The following SDS variants were observed in gnomAD, a reference collection of about 807,000 sequenced individuals.
SDS encodes L-serine dehydratase/L-threonine deaminase.
SDS carries 19 observed loss-of-function variants against 29.3 expected under a neutral mutation model. The ratio of observed to expected loss-of-function variants is 0.65; its 90% confidence interval spans 0.45 to 0.95. The LOEUF is 0.95. Ranked by LOEUF, SDS falls within the 40% of genes least tolerant of loss-of-function variation. The pLI is 0.00. For synonymous variants in SDS, 176 were observed against 189.0 expected, an observed-to-expected ratio of 0.93 and a Z score of 0.56; for missense variants, 375 against 439.9, an observed-to-expected ratio of 0.85 and a Z score of 1.32.
chr12:113,395,728 C>A lies in SDS; in HGVS notation c.653+1437G>T, dbSNP rs1013090034. ...GGAAACAAACTCAAGGGACCTGGCG[C>A]CCTGACTTTTCATGGTAAAGTTCAA... On this transcript the variant is annotated intron_variant, in intron 6 of 7. Transcript: ENST00000257549. 5.3e-5 allele frequency among the ~76,000 whole-genome samples: 8 copies of A among 152,304 alleles called. No individual in the cohort carries two copies. The South Asian group carries it at 1.0e-3, about 20-fold the overall frequency.
intron 5 of SDS, among the ~76,000 whole-genome samples, 174 bp from the exon 6 acceptor site, chr12:113,397,566 C>G (rs543034075): frequency 1.3e-5 from 2 of 152,228 alleles, no homozygotes; most frequent in South Asian, 4.1e-4. Flanking sequence ...CCTTCTCTGG[C>G]CACCTGAGCT....
Position 113,399,665 on chromosome 12 carries a change from T to G in SDS, c.44A>C (p.Asp15Ala). 1.9e-6 allele frequency: 3 copies of G among 1,598,846 alleles called. No homozygotes were observed. Among genetic ancestry groups the G allele is most frequent in the Non-Finnish European group, 2.6e-6 (3 of 1,174,584 alleles). Residue 15 changes from aspartate to alanine, a missense_variant, in exon 2 of 8, where the codon GAC becomes GCC. Physicochemically the swap from Asp to Ala is moderately radical, Grantham distance 126. Coordinates refer to ENST00000257549, the MANE Select transcript of SDS (RefSeq NM_006843.3). ...EPLHVKTPIRDSMALSKMAGT... is the reference protein window; with the variant it reads ...EPLHVKTPIRASMALSKMAGT... Reference sequence around the variant, plus strand: ...GGCCATTTTGGACAGGGCCATGCTGTCACGGATGGGGGTCTTCACGTGCAG... The same window carrying G: ...GGCCATTTTGGACAGGGCCATGCTGGCACGGATGGGGGTCTTCACGTGCAG...
In SDS at chr12:113,397,411, G is replaced by GGGT. The variant is rs1417548402; in HGVS notation, c.426-22_426-20dup. Reference sequence around the variant, plus strand: ...GCCTTCCCTGGAGGGTGGGGAGAGGGGGTGGCAGGTCAGGGCTAGGCTTCC... The same window carrying GGGT: ...GCCTTCCCTGGAGGGTGGGGAGAGGGGGTGGTGGCAGGTCAGGGCTAGGCTTCC... On this transcript the variant is annotated intron_variant, in intron 5 of 7. Coordinates refer to ENST00000257549, the MANE Select transcript of SDS (RefSeq NM_006843.3). 1.1e-5 allele frequency: 17 copies of GGGT among 1,586,398 alleles called. No homozygotes were observed. Among genetic ancestry groups the GGGT allele is most frequent in the Non-Finnish European group, 1.5e-5 (17 of 1,161,098 alleles).
In SDS at chr12:113,399,666, C is replaced by T; in HGVS notation, c.43G>A (p.Asp15Asn). Residue 15 changes from aspartate to asparagine, a missense_variant, in exon 2 of 8, where the codon GAC becomes AAC. Physicochemically the swap from Asp to Asn is conservative, Grantham distance 23 (BLOSUM62 1). Coordinates refer to ENST00000257549, the MANE Select transcript of SDS (RefSeq NM_006843.3). ...EPLHVKTPIRDSMALSKMAGT... is the reference protein window; with the variant it reads ...EPLHVKTPIRNSMALSKMAGT... ...GCCATTTTGGACAGGGCCATGCTGT[C>T]ACGGATGGGGGTCTTCACGTGCAGG... 6.3e-7 allele frequency: 1 copy of T among 1,598,922 alleles called. No homozygotes were observed. The highest frequency in any genetic ancestry group is 8.5e-7 in the Non-Finnish European group (1 of 1,174,620).
Position 113,394,012 on chromosome 12 carries a change from C to T in SDS, c.658G>A (p.Ala220Thr). The change falls in exon 7 of 8, where the codon GCC (alanine) becomes ACC (threonine). Residue 220 changes from alanine (A) to threonine (T), a missense_variant. By Grantham distance (58) the Ala-to-Thr change is moderately conservative. Transcript: ENST00000257549. ...LVSLPKITSVAKALGVKTVGA... is the reference protein window; with the variant it reads ...LVSLPKITSVTKALGVKTVGA... ...ACAGTCTTCACGCCCAGGGCCTTGG[C>T]AACACTGAGAGAAGTGGGAACCCAG... The T allele has an allele frequency of 1.2e-6, 2 of 1,613,684 alleles. No individual in the cohort carries two copies. Among genetic ancestry groups the T allele is most frequent in the Non-Finnish European group, 1.7e-6 (2 of 1,179,970 alleles).
chr12:113,399,552 G>A lies in SDS; in HGVS notation c.153+4C>T, dbSNP rs535468725. 1.7e-5 allele frequency: 26 copies of A among 1,575,524 alleles called. No homozygotes were observed. The highest frequency in any genetic ancestry group is 7.2e-5 in the Admixed American group (4 of 55,884). ...GCCCAGATAATGCTGACCCGGTCCC[G>A]TACCCTCTTGCAGAAGTGCCCAATG... On this transcript the variant is annotated splice_donor_region_variant and intron_variant, in intron 2 of 7. Transcript: ENST00000257549.
chr12:113,396,421 CTCTCTT>C (rs1565869322), intron 6 of SDS, among the ~76,000 whole-genome samples: 1 of 145,788 alleles, frequency 6.9e-6, no homozygotes, highest in South Asian at 2.2e-4. Flanking sequence ...TTCTTTCTTT[CTCTCTT>C]TCTTTCTCTT....
rs146354279 is a variant in SDS at position 113,401,435 on chromosome 12, T to G, written c.-2-1725A>C. Among the ~76,000 whole-genome samples the G allele has an allele frequency of 5.1e-3, 782 of 152,246 alleles. 3 individuals carry two copies. The highest frequency in any genetic ancestry group is 0.019 in the South Asian group (93 of 4,820). The stretch of plus-strand genomic sequence containing the variant: ...CCAGTAGAGATGGGGTTTTGCTATG[T>G]TGGCCAGGCTGGTCTCCAACTCCTG... On this transcript the variant is annotated intron_variant, in intron 1 of 7. Transcript: ENST00000257549.
Position 113,397,385 on chromosome 12 carries a change from G to T in SDS, c.433C>A (p.His145Asn), listed in dbSNP as rs1447444183. Reference protein sequence around the residue: ...PFDDPLIWEGHASIVKELKET... With the variant: ...PFDDPLIWEGNASIVKELKET... ...TTCAGCTCTTTCACGATGGAAGCGTGGCCTTCCCTGGAGGGTGGGGAGAGG... is the reference window on the plus strand; with the variant it reads ...TTCAGCTCTTTCACGATGGAAGCGTTGCCTTCCCTGGAGGGTGGGGAGAGG... Residue 145 changes from histidine (H) to asparagine (N), a missense_variant, in exon 6 of 8, where the codon CAC becomes AAC. His to Asn is a moderately conservative substitution (Grantham distance 68). Transcript: ENST00000257549. 6.2e-7 allele frequency: 1 copy of T among 1,606,964 alleles called. No individual in the cohort carries two copies. Among genetic ancestry groups the T allele is most frequent in the Non-Finnish European group, 8.5e-7 (1 of 1,174,914 alleles).
chr12:113,399,172 G>T, intron 2 of SDS, 21 bp from the exon 3 acceptor site: 2 of 1,613,288 alleles, frequency 1.2e-6, no homozygotes, highest in Non-Finnish European at 1.7e-6. Flanking sequence ...AACAGGAGAG[G>T]CACTCAGGCC....
chr12:113,397,854 C>T (rs890927996), intron 5 of SDS, among the ~76,000 whole-genome samples: 1 of 152,184 alleles, frequency 6.6e-6, no homozygotes, highest in Admixed American at 6.5e-5. Context: ...CTTCCCCACT[C>T]CCCCACTGAA....
intron 1 of SDS, among the ~76,000 whole-genome samples, chr12:113,402,203 CAG>C (rs955511853): frequency 3.9e-5 from 6 of 152,204 alleles, no homozygotes; most frequent in African/African-American, 1.4e-4. Flanking sequence ...GAATAAAAAT[CAG>C]AGACTGGGGC....
Position 113,394,087 on chromosome 12 carries a change from GAGA to G in SDS, c.654-74_654-72del, listed in dbSNP as rs986146852. 10 of 1,489,056 alleles carry G rather than the reference GAGA, an allele frequency of 6.7e-6. No individual in the cohort carries two copies. The African/African-American group carries it at 8.3e-5, about 12-fold the overall frequency. 92.2% of individuals were successfully genotyped at this position (1,489,056 alleles called of 1,614,324 possible). A position where few individuals can be genotyped will look rare whatever the true frequency, so the allele number is the denominator to read the frequency against. On this transcript the variant is annotated intron_variant, in intron 6 of 7. Coordinates refer to ENST00000257549, the MANE Select transcript of SDS (RefSeq NM_006843.3). ...GGAGAGAGATGGGGGCAGGGAGGGA[GAGA>G]AGGAGATGGATGTGAGACAGAGAAG...
Position 113,397,701 on chromosome 12 carries a change from A to G in SDS, c.426-309T>C, listed in dbSNP as rs189131313. The stretch of plus-strand genomic sequence containing the variant: ...CGGGAAACTGCTGTGCGCCTTCTGC[A>G]CTGGCTCCCAGGGTCCCCGAGGGAT... On this transcript the variant is annotated intron_variant, in intron 5 of 7. Coordinates refer to ENST00000257549, the MANE Select transcript of SDS (RefSeq NM_006843.3). Among the ~76,000 whole-genome samples, 46 of 152,296 alleles carry G rather than the reference A, an allele frequency of 3.0e-4. 1 individual carries two copies. The highest frequency in any genetic ancestry group is 8.4e-4 in the African/African-American group (35 of 41,576).
chr12:113,398,163 T>G (rs1043063730), intron 5 of SDS, among the ~76,000 whole-genome samples: 2 of 150,626 alleles, frequency 1.3e-5, no homozygotes, highest in Admixed American at 1.3e-4. Flanking sequence ...TTCCACCTCC[T>G]GGGTTCAAGC....
chr12:113,392,600 G>A lies in SDS; in HGVS notation c.*341C>T, dbSNP rs1957617733. ...ACCTTCACTGGGAACAAGTTCAGGG[G>A]CGAGGTCACAGCTTTGAGGAATTCC... On this transcript the variant is annotated 3_prime_UTR_variant, in exon 8 of 8. Coordinates refer to ENST00000257549, the MANE Select transcript of SDS (RefSeq NM_006843.3). 6.7e-6 allele frequency: 2 copies of A among 296,550 alleles called. No homozygotes were observed. 18.4% of individuals were successfully genotyped at this position (296,550 alleles called of 1,614,324 possible).
intron 6 of SDS, among the ~76,000 whole-genome samples, chr12:113,396,380 TTTTC>T (rs890208243): frequency 1.5e-4 from 23 of 150,912 alleles, no homozygotes; most frequent in Admixed American, 5.9e-4. Context: ...CTTTCTCTCT[TTTTC>T]TTTCTTTCTT....
chr12:113,397,046 A>G, intron 6 of SDS, 119 bp downstream of exon 6: 1 of 941,566 alleles, frequency 1.1e-6, no homozygotes, highest in Non-Finnish European at 1.6e-6. Flanking sequence ...GCAAGCGATC[A>G]AAGCCTCCAT....
intron 6 of SDS, among the ~76,000 whole-genome samples, chr12:113,396,398 TTCTTTC>T (rs1030681272): frequency 6.6e-6 from 1 of 150,704 alleles, no homozygotes; most frequent in Non-Finnish European, 1.5e-5. Flanking sequence ...CTTTCTTCCT[TTCTTTC>T]TCTTTTTTCT....
Sources: allele counts gnomAD v4.1 joint callset (sites outside exome capture counted in the v4.1 genomes callset), GRCh38; gene constraint gnomAD v4.1.1; transcripts MANE v1.5; gene names NCBI Gene and HGNC (gene_info 2026-07-23, HGNC 2026-07-21).